Variants in DMRT3 observed in about 807,000 individuals in gnomAD.
The protein encoded by DMRT3 is doublesex and mab-3 related transcription factor 3, also known as doublesex- and mab-3-related transcription factor 3.
Under a neutral mutation model 34.9 loss-of-function variants are expected in DMRT3, and 29 were observed. That is an observed-to-expected ratio of 0.83 (90% CI 0.62 to 1.13). The LOEUF (loss-of-function observed/expected upper bound fraction) is 1.13. Ranked by LOEUF, DMRT3 falls within the 50% of genes most tolerant of loss-of-function variation. The pLI, the probability that DMRT3 is intolerant of heterozygous loss-of-function variation, is 0.00. For synonymous variants in DMRT3, 350 were observed against 286.0 expected (o/e 1.22, Z -2.26); for missense variants, 772 against 629.1 (o/e 1.23, Z -2.43).
rs535323696 is a variant in DMRT3 at position 988,536 on chromosome 9, AT to A, written c.455-1502del. The stretch of plus-strand genomic sequence containing the variant: ...GGTTTCTAGAAGGTGCTTTGATGAA[AT>A]TTCACAAAGTTTTGTTTTTTGGTTA... On this transcript the variant is annotated intron_variant, in intron 1 of 1. Transcript: ENST00000190165. Among the ~76,000 whole-genome samples, 264 of 152,320 alleles carry A rather than the reference AT, an allele frequency of 1.7e-3. 1 individual carries two copies. The highest frequency in any genetic ancestry group is 5.3e-3 in the African/African-American group (219 of 41,586).
chr9:986,691 G>A (rs1820288909), intron 1 of DMRT3, among the ~76,000 whole-genome samples: 1 of 152,088 alleles, frequency 6.6e-6, no homozygotes, highest in Admixed American at 6.6e-5. Context: ...AGGAGTTCGA[G>A]AGGAGCCTGG....
At chr9:987,433 TG>T (rs1820300111) in intron 1 of DMRT3, among the ~76,000 whole-genome samples, 1 of 146,288 alleles carries the variant, frequency 6.8e-6, no homozygotes, top group African/African-American at 2.7e-5. Context: ...TGTGTGTGTG[TG>T]TGTGTGTGTG....
rs1563690468 is a variant in DMRT3, at chr9:990,337, C to T, written c.751C>T (p.Pro251Ser). Residue 251 changes from proline (P) to serine (S), a missense_variant, in exon 2 of 2, where the codon CCG becomes TCG. Transcript: ENST00000190165. ...LPFSLKANRP[P>S]LEVLKKIFPN... ...CTTCAGCTTGAAAGCCAACAGACCG[C>T]CGCTTGAAGTGTTAAAAAAGATATT... The T allele has an allele frequency of 1.9e-6, 3 of 1,613,830 alleles. No homozygotes were observed. Among genetic ancestry groups the T allele is most frequent in the African/African-American group, 2.7e-5 (2 of 74,990 alleles).
intron 1 of DMRT3, among the ~76,000 whole-genome samples, chr9:986,919 C>T (rs998692720): frequency 3.3e-5 from 5 of 150,396 alleles, no homozygotes; most frequent in African/African-American, 9.8e-5. Flanking sequence ...GAGCTTTGAG[C>T]TTTCCAGCTG....
At chr9:987,835 T>G (rs1820304504) in intron 1 of DMRT3, among the ~76,000 whole-genome samples, 1 of 152,020 alleles carries the variant, frequency 6.6e-6, no homozygotes, top group Admixed American at 6.6e-5. Flanking sequence ...ATGGGGAGAG[T>G]ATTTGACTTG....
chr9:979,819 A>G (rs113001562), intron 1 of DMRT3, among the ~76,000 whole-genome samples: 50 of 152,190 alleles, frequency 3.3e-4, no homozygotes, highest in African/African-American at 1.0e-3. Flanking sequence ...TGTTCTAATA[A>G]TGTATTTGTG....
In DMRT3 at chr9:988,048, C is replaced by A. The variant is rs563710860; in HGVS notation, c.455-1993C>A. ...CTGTTTTTCTCTTTTGAATCAAGGA[C>A]ATGAGTTCAAATACCACATTAACTC... On this transcript the variant is annotated intron_variant, in intron 1 of 1. Transcript: ENST00000190165. Among the ~76,000 whole-genome samples, 9 of 152,268 alleles carry A rather than the reference C, an allele frequency of 5.9e-5. No homozygotes were observed. The East Asian group carries it at 1.5e-3, about 26-fold the overall frequency.
chr9:982,429 A>G (rs898939568), intron 1 of DMRT3, among the ~76,000 whole-genome samples: 11 of 152,224 alleles, frequency 7.2e-5, no homozygotes, highest in Admixed American at 7.2e-4. Flanking sequence ...CGTGCTCTCG[A>G]CTTACACAAC....
chr9:990,594 C>T lies in DMRT3; in HGVS notation c.1008C>T (p.Val336=). 6.2e-7 allele frequency: 1 copy of T among 1,614,148 alleles called. No individual in the cohort carries two copies. The highest frequency in any genetic ancestry group is 8.5e-7 in the Non-Finnish European group (1 of 1,180,034). The change falls in exon 2 of 2, where the codon GTC becomes GTT. Residue 336 remains valine, a synonymous_variant. Coordinates refer to ENST00000190165, the MANE Select transcript of DMRT3 (RefSeq NM_021240.4). The part of the protein sequence containing the change: ...SKWSVGSAFR[V]PDTLRFSADS... ...GGTCTGTGGGATCAGCCTTTCGAGT[C>T]CCAGACACGTTGAGGTTTTCTGCCG...
chr9:988,135 C>G (rs1820307868), intron 1 of DMRT3, among the ~76,000 whole-genome samples: 1 of 152,136 alleles, frequency 6.6e-6, no homozygotes, highest in South Asian at 2.1e-4. Flanking sequence ...TCAAATTTCT[C>G]TTACAAAAAT....
At chr9:977,662 C>T (rs12346701) in intron 1 of DMRT3, among the ~76,000 whole-genome samples, 1 of 152,198 alleles carries the variant, frequency 6.6e-6, no homozygotes, top group Non-Finnish European at 1.5e-5. Flanking sequence ...CTCGCGCCCG[C>T]AGGGAAGGCG....
chr9:983,839 C>T (rs1820250306), intron 1 of DMRT3, among the ~76,000 whole-genome samples: 1 of 152,022 alleles, frequency 6.6e-6, no homozygotes, highest in African/African-American at 2.4e-5. Context: ...GTCAAGGAAC[C>T]ACTCTGATTC....
At chr9:982,761 T>A (rs1460149987) in intron 1 of DMRT3, among the ~76,000 whole-genome samples, 2 of 152,258 alleles carry the variant, frequency 1.3e-5, no homozygotes, top group Non-Finnish European at 2.9e-5. Flanking sequence ...GAAGGAGGAC[T>A]AAGCCCAGCA....
At position 988,108 on chromosome 9, in the gene DMRT3, T is replaced by C. The variant is rs1399212278; in HGVS notation, c.455-1933T>C. The stretch of plus-strand genomic sequence containing the variant: ...AAGCTGTGTCCCCCATCCTAAGAAG[T>C]TGTAGGAGAGAATATGTCAAATTTC... On this transcript the variant is annotated intron_variant, in intron 1 of 1. Coordinates refer to ENST00000190165, the MANE Select transcript of DMRT3 (RefSeq NM_021240.4). Among the ~76,000 whole-genome samples the C allele has an allele frequency of 2.0e-5, 3 of 152,146 alleles. No homozygotes were observed. The East Asian group carries it at 5.8e-4, about 29-fold the overall frequency.
At chr9:982,509 G>A (rs1277920992) in intron 1 of DMRT3, among the ~76,000 whole-genome samples, 1 of 152,240 alleles carries the variant, frequency 6.6e-6, no homozygotes, top group Non-Finnish European at 1.5e-5. Flanking sequence ...GGAGGACAGT[G>A]TGAATCGAAT....
In DMRT3 at chr9:990,684, C is replaced by T; in HGVS notation, c.1098C>T (p.Pro366=). 6.2e-7 allele frequency: 1 copy of T among 1,614,138 alleles called. No homozygotes were observed. The highest frequency in any genetic ancestry group is 1.3e-5 in the African/African-American group (1 of 75,022). ...TGCAGCCCCCTTTCCCCCAGCCACC[C>T]CGGTACCCGCTGATGCTGAGGAATA... ...GPLQPPFPQP[P]RYPLMLRNTL... The change falls in exon 2 of 2, where the codon CCC becomes CCT. Residue 366 remains proline, a synonymous_variant. Coordinates refer to ENST00000190165, the MANE Select transcript of DMRT3 (RefSeq NM_021240.4).
At chr9:977,748 G>C (rs1820170557) in intron 1 of DMRT3, among the ~76,000 whole-genome samples, 1 of 152,212 alleles carries the variant, frequency 6.6e-6, no homozygotes, top group Admixed American at 6.5e-5. Context: ...TTCGGAACGT[G>C]TCAGATTGAG....
In DMRT3 at chr9:990,713, T is replaced by G; in HGVS notation, c.1127T>G (p.Leu376Trp). The change falls in exon 2 of 2, where the codon TTG (leucine) becomes TGG (tryptophan). Residue 376 changes from leucine to tryptophan, a missense_variant. Transcript: ENST00000190165. ...PRYPLMLRNT[L>W]ARSQSSPFLP... ...TACCCGCTGATGCTGAGGAATACTTTGGCGAGAAGCCAGTCGAGCCCCTTT... is the reference window on the plus strand; with the variant it reads ...TACCCGCTGATGCTGAGGAATACTTGGGCGAGAAGCCAGTCGAGCCCCTTT... The G allele has an allele frequency of 6.2e-7, 1 of 1,614,088 alleles. No individual in the cohort carries two copies. The highest frequency in any genetic ancestry group is 8.5e-7 in the Non-Finnish European group (1 of 1,180,028).
At chr9:989,446 A>C (rs185814251) in intron 1 of DMRT3, among the ~76,000 whole-genome samples, 1 of 152,286 alleles carries the variant, frequency 6.6e-6, no homozygotes. Flanking sequence ...CAATGGATAG[A>C]GGTATCTTTC....
Sources: gnomAD v4.1 joint callset for allele counts (sites outside exome capture counted in the v4.1 genomes callset) on GRCh38, gnomAD v4.1.1 for gene constraint, MANE v1.5 for transcripts, NCBI Gene and HGNC (gene_info 2026-07-23, HGNC 2026-07-21) for gene names.